Variants in SKAP1 observed in about 807,000 individuals in gnomAD.
The protein encoded by SKAP1 is src kinase associated phosphoprotein 1.
A neutral mutation model predicts 58.5 loss-of-function variants in SKAP1; 44 were observed. That is an observed-to-expected ratio of 0.75 (90% CI 0.59 to 0.97). The LOEUF (loss-of-function observed/expected upper bound fraction) is 0.97. SKAP1 is among the 50% of genes least tolerant of loss of function. SKAP1 has a pLI of 0.00. For missense variants in SKAP1, 390 were observed against 435.2 expected, an observed-to-expected ratio of 0.90 and a Z score of 0.92; for synonymous variants, 127 against 149.7, an observed-to-expected ratio of 0.85 and a Z score of 1.11.
chr17:48,372,590 C>A (rs2067101164), intron 2 of SKAP1, among the ~76,000 whole-genome samples: 1 of 152,194 alleles, frequency 6.6e-6, no homozygotes, highest in Non-Finnish European at 1.5e-5. Flanking sequence ...CAGGCGTGAG[C>A]CACCATGCCC....
At chr17:48,435,560 C>G in the SKAP1 span, among the ~76,000 whole-genome samples, 2 of 152,160 alleles carry the variant, frequency 1.3e-5, no homozygotes, top group Non-Finnish European at 2.9e-5. Context: ...AAGAAATAGT[C>G]TTTTCTTCTG....
chr17:48,364,242 A>C (rs2066974025), intron 2 of SKAP1, among the ~76,000 whole-genome samples: 1 of 152,170 alleles, frequency 6.6e-6, no homozygotes, highest in African/African-American at 2.4e-5. Flanking sequence ...CCCACCACCA[A>C]CACCAACACA....
intron 10 of SKAP1, among the ~76,000 whole-genome samples, chr17:48,166,706 A>G (rs1347852148): frequency 6.6e-6 from 1 of 152,218 alleles, no homozygotes; most frequent in African/African-American, 2.4e-5. Flanking sequence ...GAGACAAAAC[A>G]TGAAGATGGA....
At chr17:48,182,322 A>G in intron 8 of SKAP1, 72 bp downstream of exon 8, 1 of 1,101,570 alleles carries the variant, frequency 9.1e-7, no homozygotes, top group Non-Finnish European at 1.4e-6. Flanking sequence ...TGAAGTCTGT[A>G]GATTATATTT....
chr17:48,298,032 C>A (rs1182880503), intron 4 of SKAP1, among the ~76,000 whole-genome samples: 1 of 152,208 alleles, frequency 6.6e-6, no homozygotes, highest in African/African-American at 2.4e-5. Flanking sequence ...GCCACTCCCA[C>A]AGGGCTGACT....
intron 4 of SKAP1, among the ~76,000 whole-genome samples, chr17:48,309,416 G>A (rs1376625300): frequency 6.6e-6 from 1 of 152,030 alleles, no homozygotes; most frequent in Non-Finnish European, 1.5e-5. Flanking sequence ...GCATGGCCTT[G>A]ACAATTCTCA....
intron 4 of SKAP1, among the ~76,000 whole-genome samples, chr17:48,261,924 T>C (rs570592906): frequency 6.6e-6 from 1 of 152,310 alleles, no homozygotes; most frequent in Non-Finnish European, 1.5e-5. Context: ...TGGAAAGGCG[T>C]TGGATCAATT....
intron 9 of SKAP1, among the ~76,000 whole-genome samples, chr17:48,179,365 C>T (rs7207553): frequency 0.16 from 24,437 of 152,146 alleles, 2,668 homozygotes; most frequent in African/African-American, 0.3. Context: ...CACCATTCAC[C>T]AGCTGCTGTT....
At chr17:48,172,281 C>T (rs570529663) in intron 9 of SKAP1, among the ~76,000 whole-genome samples, 13 of 152,174 alleles carry the variant, frequency 8.5e-5, no homozygotes, top group African/African-American at 2.9e-4. Flanking sequence ...AATTAATTGC[C>T]GTAGATTCAC....
At chr17:48,236,641 T>C (rs1275888882) in intron 4 of SKAP1, among the ~76,000 whole-genome samples, 1 of 152,192 alleles carries the variant, frequency 6.6e-6, no homozygotes, top group Non-Finnish European at 1.5e-5. Flanking sequence ...GAGGAACGAA[T>C]AGGATGTTAA....
chr17:48,211,015 G>A (rs2064865257), intron 4 of SKAP1, among the ~76,000 whole-genome samples: 1 of 152,126 alleles, frequency 6.6e-6, no homozygotes. Flanking sequence ...AAAAGACTGG[G>A]GGGAGGCACC....
In SKAP1 at chr17:48,322,891, T is replaced by A. The variant is rs536399687; in HGVS notation, c.280+23014A>T. Among the ~76,000 whole-genome samples, 459 of 150,164 alleles carry A rather than the reference T, an allele frequency of 3.1e-3. 1 individual carries two copies. The highest frequency in any genetic ancestry group is 4.9e-3 in the South Asian group (23 of 4,718). On this transcript the variant is annotated intron_variant, in intron 4 of 12. Coordinates refer to ENST00000336915, the MANE Select transcript of SKAP1 (RefSeq NM_003726.4). ...CGAGCAGATCACCTGAGGTCAGGAG[T>A]TTGAGACCAGCCTGGCCAACATGGT...
chr17:48,270,445 G>A (rs542161079), intron 4 of SKAP1, among the ~76,000 whole-genome samples: 1 of 152,150 alleles, frequency 6.6e-6, no homozygotes, highest in East Asian at 1.9e-4. Context: ...CCGGGTTCAA[G>A]CGATTCTCTT....
chr17:48,248,262 C>T (rs1421030976), intron 4 of SKAP1, among the ~76,000 whole-genome samples: 1 of 152,080 alleles, frequency 6.6e-6, no homozygotes, highest in Non-Finnish European at 1.5e-5. Flanking sequence ...GTATACGGTA[C>T]TGTATGAAAA....
chr17:48,363,496 A>C (rs1014815138), intron 3 of SKAP1, among the ~76,000 whole-genome samples: 1 of 152,338 alleles, frequency 6.6e-6, no homozygotes, highest in Non-Finnish European at 1.5e-5. Context: ...TTTGAATGCT[A>C]CTGGATCCTG....
At chr17:48,264,410 T>C (rs568308829) in intron 4 of SKAP1, among the ~76,000 whole-genome samples, 26 of 152,298 alleles carry the variant, frequency 1.7e-4, no homozygotes, top group Admixed American at 5.2e-4. Flanking sequence ...CACATTACTG[T>C]GGTATATGAG....
At chr17:48,338,553 G>T (rs1460369969) in intron 4 of SKAP1, among the ~76,000 whole-genome samples, 1 of 152,050 alleles carries the variant, frequency 6.6e-6, no homozygotes, top group African/African-American at 2.4e-5. Flanking sequence ...ATTTTATGTA[G>T]AATTTAACCC....
chr17:48,317,998 T>TGTAA (rs1221642546), intron 4 of SKAP1, among the ~76,000 whole-genome samples: 7 of 152,072 alleles, frequency 4.6e-5, no homozygotes, highest in Non-Finnish European at 1.5e-5. Context: ...ATTTAGAAAG[T>TGTAA]GTAATACTGT....
At chr17:48,168,431 C>T (rs773861516) in intron 10 of SKAP1, among the ~76,000 whole-genome samples, 9 of 151,990 alleles carry the variant, frequency 5.9e-5, no homozygotes, top group Non-Finnish European at 1.0e-4. Context: ...CCAAGACGGT[C>T]GGATCCCCTG....
Sources: allele counts gnomAD v4.1 joint callset (sites outside exome capture counted in the v4.1 genomes callset), GRCh38; gene constraint gnomAD v4.1.1; transcripts MANE v1.5; gene names NCBI Gene and HGNC (gene_info 2026-07-23, HGNC 2026-07-21).